The following XKR4 variants were observed in gnomAD, a reference collection of about 807,000 sequenced individuals.
XKR4 encodes XK-related protein 4.
A neutral mutation model predicts 53.9 loss-of-function variants in XKR4; 12 were observed. The ratio of observed to expected loss-of-function variants is 0.22; its 90% CI spans 0.14 to 0.36. The LOEUF (loss-of-function observed/expected upper bound fraction) is 0.36, where lower values mean the gene tolerates loss of function less well. Ranked by LOEUF, XKR4 falls within the 10% of genes least tolerant of loss-of-function variation. The probability of loss-of-function intolerance (pLI) is 1.00; values close to 1 mark genes in which losing one functional copy is unlikely to be tolerated. For missense variants in XKR4, 799 were observed against 859.5 expected (o/e 0.93, Z 0.88); for synonymous variants, 354 against 362.4 (o/e 0.98, Z 0.26).
chr8:55,206,737 AT>A (rs1817656354), intron 1 of XKR4, among the ~76,000 whole-genome samples: 1 of 152,204 alleles, frequency 6.6e-6, no homozygotes, highest in African/African-American at 2.4e-5. Context: ...AGAAACATTA[AT>A]TTTTGGTTAA....
At chr8:55,405,199 C>T (rs796585317) in intron 2 of XKR4, among the ~76,000 whole-genome samples, 11 of 152,262 alleles carry the variant, frequency 7.2e-5, no homozygotes, top group African/African-American at 2.2e-4. Context: ...GAAGTCAAGT[C>T]GTCAGTATTG....
intron 2 of XKR4, among the ~76,000 whole-genome samples, chr8:55,390,924 A>C (rs906960558): frequency 6.6e-6 from 1 of 152,260 alleles, no homozygotes; most frequent in Non-Finnish European, 1.5e-5. Flanking sequence ...AAATGTAAAA[A>C]TAAATTTCAG....
chr8:55,355,267 C>T (rs1803781838), intron 1 of XKR4, among the ~76,000 whole-genome samples: 1 of 151,068 alleles, frequency 6.6e-6, no homozygotes. Context: ...AGGGATATGG[C>T]ACTATACACA....
chr8:55,150,462 G>A (rs1472925088), intron 1 of XKR4, among the ~76,000 whole-genome samples: 1 of 152,162 alleles, frequency 6.6e-6, no homozygotes, highest in Non-Finnish European at 1.5e-5. Context: ...AGCATGCAAC[G>A]ATTATAGTAT....
chr8:55,345,704 G>A (rs1585531526), intron 1 of XKR4, among the ~76,000 whole-genome samples: 1 of 152,268 alleles, frequency 6.6e-6, no homozygotes, highest in African/African-American at 2.4e-5. Context: ...AGCATGAGCG[G>A]GACATTACAT....
chr8:55,153,809 C>T (rs915651837), intron 1 of XKR4, among the ~76,000 whole-genome samples: 8 of 152,224 alleles, frequency 5.3e-5, no homozygotes, highest in Admixed American at 5.2e-4. Context: ...CTGATATGCT[C>T]ATGCTTTCTT....
Position 55,127,588 on chromosome 8 carries a change from T to C in XKR4, c.806+24294T>C, listed in dbSNP as rs1239509404. The stretch of plus-strand genomic sequence containing the variant: ...CTCTTTTTTTTTTTTAATTTTATTT[T>C]ATTATTATTATACTTTAAGTTTTAG... On this transcript the variant is annotated intron_variant, in intron 1 of 2. Transcript: ENST00000327381. Among the ~76,000 whole-genome samples, 5 of 151,740 alleles carry C rather than the reference T, an allele frequency of 3.3e-5. No individual in the cohort carries two copies. In the East Asian group the frequency reaches 5.8e-4, roughly 18 times the overall value.
chr8:55,492,099 G>T (rs1806281145), intron 2 of XKR4, among the ~76,000 whole-genome samples: 1 of 152,092 alleles, frequency 6.6e-6, no homozygotes, highest in Non-Finnish European at 1.5e-5. Flanking sequence ...CAGTTTAGAA[G>T]GTGTCTCCAG....
At chr8:55,260,597 G>A (rs560932124) in intron 1 of XKR4, among the ~76,000 whole-genome samples, 1 of 152,278 alleles carries the variant, frequency 6.6e-6, no homozygotes, top group South Asian at 2.1e-4. Flanking sequence ...TGAGAGAGAG[G>A]GGCCTGCAAG....
At chr8:55,162,152 TC>T (rs1816993930) in intron 1 of XKR4, among the ~76,000 whole-genome samples, 1 of 152,176 alleles carries the variant, frequency 6.6e-6, no homozygotes, top group South Asian at 2.1e-4. Flanking sequence ...TCCTCTCCAC[TC>T]CTGGAGAACC....
At chr8:55,494,120 G>A (rs993293110) in intron 2 of XKR4, among the ~76,000 whole-genome samples, 3 of 152,260 alleles carry the variant, frequency 2.0e-5, no homozygotes, top group African/African-American at 7.2e-5. Flanking sequence ...GGGTGTATGA[G>A]TGGAGTGTGG....
intron 1 of XKR4, among the ~76,000 whole-genome samples, chr8:55,209,355 A>G (rs1460802502): frequency 6.6e-6 from 1 of 152,118 alleles, no homozygotes; most frequent in Non-Finnish European, 1.5e-5. Context: ...CAGCACAGAG[A>G]TAAATCAATT....
chr8:55,292,775 TA>T lies in XKR4; in HGVS notation c.807-64901del, dbSNP rs533598148. ...TTCTAATGTGAGTGTTTAGTTCTAC[TA>T]ATTTTCCTCTCAGTACTGTGTTAAC... is the stretch of plus-strand genomic sequence containing the variant. On this transcript the variant is annotated intron_variant, in intron 1 of 2. Transcript: ENST00000327381. Among the ~76,000 whole-genome samples, 13 of 152,336 alleles carry T rather than the reference TA, an allele frequency of 8.5e-5. No individual in the cohort carries two copies. In the South Asian group the frequency reaches 2.5e-3, roughly 29 times the overall value.
intron 2 of XKR4, chr8:55,450,096 GGT>G: frequency 1.4e-6 from 1 of 715,596 alleles, no homozygotes; most frequent in Admixed American, 1.8e-5. Context: ...CGCGGTCCCA[GGT>G]GTCCTTCCAG....
At chr8:55,241,295 ACACT>A (rs1296084043) in intron 1 of XKR4, among the ~76,000 whole-genome samples, 2 of 152,224 alleles carry the variant, frequency 1.3e-5, no homozygotes, top group Non-Finnish European at 2.9e-5. Flanking sequence ...TCCTCATGAA[ACACT>A]CAGTGTTTTT....
At chr8:55,406,088 G>A (rs1447967402) in intron 2 of XKR4, among the ~76,000 whole-genome samples, 1 of 152,208 alleles carries the variant, frequency 6.6e-6, no homozygotes, top group Non-Finnish European at 1.5e-5. Context: ...CAGCCTCTGA[G>A]TGTATGAAAT....
chr8:55,354,415 A>G (rs549728282), intron 1 of XKR4, among the ~76,000 whole-genome samples: 10 of 152,328 alleles, frequency 6.6e-5, no homozygotes, highest in African/African-American at 2.4e-4. Context: ...ATAGATTCCA[A>G]ACTGAGTAGG....
At chr8:55,299,345 C>T (rs1042021289) in intron 1 of XKR4, among the ~76,000 whole-genome samples, 1 of 152,130 alleles carries the variant, frequency 6.6e-6, no homozygotes, top group Non-Finnish European at 1.5e-5. Context: ...AACAAGGCTC[C>T]GTGTGACCTC....
intron 2 of XKR4, among the ~76,000 whole-genome samples, chr8:55,409,136 A>C (rs1050402382): frequency 1.3e-5 from 2 of 152,220 alleles, no homozygotes. Context: ...AGACAGACAC[A>C]TGGTTGCCAA....
Sources: gnomAD v4.1 joint callset for allele counts (sites outside exome capture counted in the v4.1 genomes callset) on GRCh38, gnomAD v4.1.1 for gene constraint, MANE v1.5 for transcripts, NCBI Gene and HGNC (gene_info 2026-07-23, HGNC 2026-07-21) for gene names.